The following UPB1 variants were observed in gnomAD, a reference collection of about 807,000 sequenced individuals.
The protein encoded by UPB1 is beta-ureidopropionase.
Under a neutral mutation model 49.1 loss-of-function variants are expected in UPB1, and 40 were observed. That is an observed-to-expected ratio of 0.81 (90% CI 0.63 to 1.06). UPB1 has a LOEUF of 1.06. Among genes scored for constraint, UPB1 ranks in the 50% least tolerant of loss-of-function variants. The pLI is 0.00. For missense variants in UPB1, 499 were observed against 505.9 expected, an observed-to-expected ratio of 0.99 and a Z score of 0.13; for synonymous variants, 207 against 198.2, an observed-to-expected ratio of 1.04 and a Z score of -0.38.
intron 6 of UPB1, among the ~76,000 whole-genome samples, chr22:24,519,480 G>A (rs941994847): frequency 6.6e-6 from 1 of 152,102 alleles, no homozygotes; most frequent in Non-Finnish European, 1.5e-5. Context: ...GGCCAGAGAA[G>A]GACAGGGTCT....
intron 1 of UPB1, among the ~76,000 whole-genome samples, chr22:24,496,709 A>G (rs916710169): frequency 6.6e-6 from 1 of 152,170 alleles, no homozygotes; most frequent in Admixed American, 6.5e-5. Context: ...GAGCAGGTAC[A>G]AAAGAGGGCG....
chr22:24,503,818 G>A (rs951406520), intron 3 of UPB1: 1 of 152,258 alleles, frequency 6.6e-6, no homozygotes, highest in African/African-American at 2.4e-5. Flanking sequence ...CACTCTCCTT[G>A]CCCAGGATCT....
At chr22:24,515,974 C>G (rs1253485930) in intron 6 of UPB1, among the ~76,000 whole-genome samples, 2 of 151,254 alleles carry the variant, frequency 1.3e-5, no homozygotes, top group African/African-American at 4.9e-5. Flanking sequence ...GACTCCATCT[C>G]AAAAAATAAA....
At chr22:24,524,174 G>A (rs1293675750) in intron 9 of UPB1, among the ~76,000 whole-genome samples, 1 of 152,182 alleles carries the variant, frequency 6.6e-6, no homozygotes, top group Non-Finnish European at 1.5e-5. Flanking sequence ...AGGCCTTGAC[G>A]ATAGCAGGAA....
At chr22:24,523,858 C>T in intron 9 of UPB1, 85 bp downstream of exon 9, 1 of 1,596,926 alleles carries the variant, frequency 6.3e-7, no homozygotes, top group South Asian at 1.1e-5. Flanking sequence ...CGGGGTTGCC[C>T]ATGGCAGCAT....
chr22:24,520,524 G>T, intron 7 of UPB1, 56 bp downstream of exon 7: 1 of 1,588,864 alleles, frequency 6.3e-7, no homozygotes, highest in Admixed American at 1.7e-5. Context: ...CTCTGGTGGG[G>T]ACACCCCGTT....
chr22:24,523,397 C>T (rs2044429958), intron 8 of UPB1, among the ~76,000 whole-genome samples: 1 of 152,188 alleles, frequency 6.6e-6, no homozygotes, highest in Admixed American at 6.5e-5. Context: ...AGACATTTCC[C>T]CAGGGGCAAA....
intron 3 of UPB1, chr22:24,503,022 C>A: frequency 6.4e-6 from 1 of 155,852 alleles, no homozygotes; most frequent in South Asian, 1.8e-4. Flanking sequence ...GTAGCTGGGA[C>A]CACAGGTGCA....
chr22:24,513,917 T>TG (rs892045180), intron 5 of UPB1, among the ~76,000 whole-genome samples: 10 of 152,138 alleles, frequency 6.6e-5, no homozygotes, highest in Middle Eastern at 6.8e-3. Flanking sequence ...CTGTGGATCA[T>TG]GGGGGGGTCT....
chr22:24,496,501 G>A (rs1198916637), intron 1 of UPB1, among the ~76,000 whole-genome samples: 1 of 152,130 alleles, frequency 6.6e-6, no homozygotes, highest in Non-Finnish European at 1.5e-5. Flanking sequence ...TTACGTCTGT[G>A]AAGACCCTTT....
chr22:24,500,333 G>A (rs2043971459), intron 2 of UPB1, 55 bp downstream of exon 2: 26 of 1,609,366 alleles, frequency 1.6e-5, no homozygotes, highest in Non-Finnish European at 2.0e-5. Context: ...GCCTGCCCTT[G>A]GAGCACACCT....
chr22:24,502,578 C>A (rs757800682), intron 3 of UPB1: 17 of 766,928 alleles, frequency 2.2e-5, no homozygotes, highest in Non-Finnish European at 3.4e-5. Flanking sequence ...GCCAGCCCCC[C>A]CATCTAAACA....
At chr22:24,513,067 T>C (rs2044234644) in intron 4 of UPB1, among the ~76,000 whole-genome samples, 1 of 152,240 alleles carries the variant, frequency 6.6e-6, no homozygotes, top group African/African-American at 2.4e-5. Context: ...ATGGTAATTC[T>C]TGTTTAATTT....
intron 4 of UPB1, among the ~76,000 whole-genome samples, chr22:24,512,869 T>G (rs909353902): frequency 1.3e-5 from 2 of 152,232 alleles, no homozygotes; most frequent in African/African-American, 2.4e-5. Context: ...CCGTGGCATC[T>G]AAGGCTGAAT....
At chr22:24,514,176 G>A (rs1415329666) in intron 5 of UPB1, among the ~76,000 whole-genome samples, 1 of 152,172 alleles carries the variant, frequency 6.6e-6, no homozygotes, top group African/African-American at 2.4e-5. Context: ...TGTTCAGGAT[G>A]TGATGTCCCC....
chr22:24,507,998 T>G (rs2044121813), intron 3 of UPB1, among the ~76,000 whole-genome samples: 1 of 152,138 alleles, frequency 6.6e-6, no homozygotes, highest in Non-Finnish European at 1.5e-5. Context: ...GGATTTCTCT[T>G]GGTTCAGACT....
At chr22:24,498,032 T>A (rs2043923767) in intron 1 of UPB1, among the ~76,000 whole-genome samples, 1 of 152,180 alleles carries the variant, frequency 6.6e-6, no homozygotes, top group African/African-American at 2.4e-5. Flanking sequence ...CACATGAATT[T>A]ATTCCTCACA....
Position 24,509,361 on chromosome 22 carries a change from G to GAAAAAAAAAAAAAAA in UPB1, c.365-1367_365-1353dup, listed in dbSNP as rs202081655. Among the ~76,000 whole-genome samples the GAAAAAAAAAAAAAAA allele has an allele frequency of 4.2e-4, 39 of 92,152 alleles. 1 individual carries two copies. Among genetic ancestry groups the GAAAAAAAAAAAAAAA allele is most frequent in the Non-Finnish European group, 4.8e-4 (24 of 49,768 alleles). 60.5% of individuals were successfully genotyped at this position (92,152 alleles called of 152,430 possible). ...ATCTGTGTGTATGTACCTACTGTTT[G>GAAAAAAAAAAAAAAA]AAAAAAAAAAAAAAAAAAAAAAAAA... On this transcript the variant is annotated intron_variant, in intron 3 of 9. Transcript: ENST00000326010.
intron 5 of UPB1, among the ~76,000 whole-genome samples, chr22:24,514,243 A>G (rs2044255395): frequency 1.3e-5 from 2 of 152,158 alleles, no homozygotes; most frequent in African/African-American, 4.8e-5. Flanking sequence ...TCAGGCAGAT[A>G]AGAAATGGCC....
Sources: allele counts gnomAD v4.1 joint callset (sites outside exome capture counted in the v4.1 genomes callset), GRCh38; gene constraint gnomAD v4.1.1; transcripts MANE v1.5; gene names NCBI Gene and HGNC (gene_info 2026-07-23, HGNC 2026-07-21).